The following NBEA variants were observed in gnomAD, a reference collection of about 807,000 sequenced individuals.
The protein encoded by NBEA is neurobeachin.
In NBEA, 44 loss-of-function variants were observed where a neutral mutation model predicts 343.4. The ratio of observed to expected loss-of-function variants is 0.13; its 90% CI spans 0.10 to 0.16. The LOEUF (loss-of-function observed/expected upper bound fraction) is 0.16, where lower values mean the gene tolerates loss of function less well. NBEA is among the 10% of genes least tolerant of loss of function. The pLI is 1.00. For missense variants in NBEA, 2,555 were observed against 3,631.3 expected, an observed-to-expected ratio of 0.70 and a Z score of 7.62; for synonymous variants, 1,175 against 1,238.7, an observed-to-expected ratio of 0.95 and a Z score of 1.08.
chr13:35,290,169 G>C (rs1217454635), intron 34 of NBEA, among the ~76,000 whole-genome samples: 1 of 151,698 alleles, frequency 6.6e-6, no homozygotes, highest in Non-Finnish European at 1.5e-5. Flanking sequence ...CAAACCCACA[G>C]CCAATATCAT....
chr13:35,417,801 T>C lies in NBEA; in HGVS notation c.6180-14468T>C, dbSNP rs2044018934. Among the ~76,000 whole-genome samples the C allele has an allele frequency of 2.6e-5, 4 of 152,180 alleles. No homozygotes were observed. In the South Asian group the frequency reaches 6.2e-4, roughly 24 times the overall value. On this transcript the variant is annotated intron_variant, in intron 38 of 58. Transcript: ENST00000379939. ...TTCCTGGATATCCTTGTTAACTTTCTGTCGCGTTGATCTGTCTAATGTTGA... is the reference window on the plus strand; with the variant it reads ...TTCCTGGATATCCTTGTTAACTTTCCGTCGCGTTGATCTGTCTAATGTTGA...
chr13:35,570,485 A>T (rs966933607), intron 45 of NBEA, among the ~76,000 whole-genome samples: 3 of 152,238 alleles, frequency 2.0e-5, no homozygotes, highest in Non-Finnish European at 2.9e-5. Context: ...AGGCAATGTG[A>T]CTACAAACTG....
chr13:35,511,953 T>C (rs2077294378), intron 41 of NBEA, among the ~76,000 whole-genome samples: 1 of 152,162 alleles, frequency 6.6e-6, no homozygotes, highest in African/African-American at 2.4e-5. Flanking sequence ...GTTTTTAATG[T>C]CCAGTGGAGA....
chr13:35,666,202 T>A (rs866647346), intron 56 of NBEA, among the ~76,000 whole-genome samples: 7 of 152,112 alleles, frequency 4.6e-5, no homozygotes, highest in African/African-American at 1.7e-4. Context: ...TGAAGTTTTT[T>A]AATCGAGGTG....
intron 48 of NBEA, 125 bp from the exon 49 acceptor site, chr13:35,627,956 C>A (rs2083298037): frequency 2.9e-6 from 2 of 679,368 alleles, no homozygotes; most frequent in African/African-American, 3.7e-5. Flanking sequence ...ACATATAAAT[C>A]AAGTACAGAA....
chr13:35,148,183 A>T (rs1409890145), intron 18 of NBEA, among the ~76,000 whole-genome samples: 1 of 152,214 alleles, frequency 6.6e-6, no homozygotes, highest in Non-Finnish European at 1.5e-5. Context: ...TAGTGATAGC[A>T]TGGAGATTTC....
At chr13:35,503,969 T>A (rs2076981228) in intron 41 of NBEA, among the ~76,000 whole-genome samples, 1 of 152,196 alleles carries the variant, frequency 6.6e-6, no homozygotes, top group Non-Finnish European at 1.5e-5. Flanking sequence ...AACAAATACA[T>A]GATTTGAAGT....
chr13:35,668,585 A>G, intron 58 of NBEA, 66 bp downstream of exon 58: 3 of 1,441,596 alleles, frequency 2.1e-6, no homozygotes, highest in Non-Finnish European at 2.8e-6. Context: ...TCATTCTACC[A>G]AGGGTGAATT....
chr13:35,248,300 G>A (rs979030644), intron 34 of NBEA, among the ~76,000 whole-genome samples: 1 of 152,120 alleles, frequency 6.6e-6, no homozygotes, highest in Non-Finnish European at 1.5e-5. Flanking sequence ...GGATGGTTCA[G>A]CATATAAAAA....
chr13:35,041,970 A>G (rs2062666998), intron 2 of NBEA, among the ~76,000 whole-genome samples: 1 of 151,972 alleles, frequency 6.6e-6, no homozygotes, highest in Non-Finnish European at 1.5e-5. Flanking sequence ...TTTCATAATT[A>G]TAAAAGTGCT....
intron 44 of NBEA, among the ~76,000 whole-genome samples, chr13:35,565,103 G>A (rs967105057): frequency 7.9e-5 from 12 of 152,156 alleles, no homozygotes; most frequent in Admixed American, 5.9e-4. Context: ...GGCAACACAG[G>A]GGAAGCCCTA....
intron 10 of NBEA, among the ~76,000 whole-genome samples, chr13:35,093,370 C>T (rs887319232): frequency 2.0e-5 from 3 of 150,092 alleles, no homozygotes; most frequent in African/African-American, 7.3e-5. Context: ...ATAAAATTAA[C>T]TATTAAAAGA....
chr13:35,263,421 C>T (rs1382727576), intron 34 of NBEA, among the ~76,000 whole-genome samples: 1 of 151,040 alleles, frequency 6.6e-6, no homozygotes, highest in South Asian at 2.1e-4. Flanking sequence ...ACTGTACTCT[C>T]GACCAAAAGG....
intron 17 of NBEA, among the ~76,000 whole-genome samples, chr13:35,138,246 A>G (rs1293195441): frequency 1.3e-5 from 2 of 152,130 alleles, no homozygotes; most frequent in Non-Finnish European, 2.9e-5. Context: ...TAGTAGAAAT[A>G]TAAATGTACA....
chr13:35,646,405 A>G (rs2084236274), intron 51 of NBEA, 57 bp downstream of exon 51: 1 of 1,249,426 alleles, frequency 8.0e-7, no homozygotes, highest in Admixed American at 1.9e-5. Flanking sequence ...CTGGGAATAG[A>G]GCAAATAAAA....
intron 18 of NBEA, among the ~76,000 whole-genome samples, chr13:35,151,624 T>A (rs2068795652): frequency 6.6e-6 from 1 of 151,704 alleles, no homozygotes; most frequent in Admixed American, 6.6e-5. Context: ...GTTGTGAAGA[T>A]GTAAAAATCT....
chr13:35,247,303 A>G (rs1379212736), intron 34 of NBEA, among the ~76,000 whole-genome samples: 1 of 152,094 alleles, frequency 6.6e-6, no homozygotes, highest in Non-Finnish European at 1.5e-5. Flanking sequence ...CTGCCAGGAA[A>G]CTTCACATTC....
intron 40 of NBEA, among the ~76,000 whole-genome samples, chr13:35,464,625 T>G (rs576260577): frequency 6.6e-6 from 1 of 152,276 alleles, no homozygotes; most frequent in African/African-American, 2.4e-5. Flanking sequence ...TATCTCTCAT[T>G]TACTAGTTGT....
At chr13:35,160,146 T>A in intron 22 of NBEA, 114 bp downstream of exon 22, 1 of 990,484 alleles carries the variant, frequency 1.0e-6, no homozygotes, top group South Asian at 1.9e-5. Flanking sequence ...AATTATAGTA[T>A]AATAGTAATT....
Sources: gnomAD v4.1 joint callset for allele counts (sites outside exome capture counted in the v4.1 genomes callset) on GRCh38, gnomAD v4.1.1 for gene constraint, MANE v1.5 for transcripts, NCBI Gene and HGNC (gene_info 2026-07-23, HGNC 2026-07-21) for gene names.